ARID1B: variants seen among roughly 807,000 people sequenced by gnomAD.
The protein encoded by ARID1B is AT-rich interaction domain 1B.
ARID1B carries 30 observed loss-of-function variants against 212.3 expected under a neutral mutation model. The observed-to-expected ratio is 0.14, with a 90% CI of 0.11 to 0.19. The LOEUF is 0.19. Among genes scored for constraint, ARID1B ranks in the 10% least tolerant of loss-of-function variants. The pLI is 1.00. For synonymous variants in ARID1B, 1,402 were observed against 1,301.7 expected, an observed-to-expected ratio of 1.08 and a Z score of -1.66; for missense variants, 2,891 against 3,204.0, an observed-to-expected ratio of 0.90 and a Z score of 2.36.
intron 7 of ARID1B, among the ~76,000 whole-genome samples, chr6:157,142,112 C>T (rs536851866): frequency 2.0e-5 from 3 of 152,188 alleles, no homozygotes; most frequent in South Asian, 2.1e-4. Context: ...AAGCCAGCCA[C>T]GAAAGCCTAT....
At chr6:157,134,703 G>A (rs550788890) in intron 7 of ARID1B, among the ~76,000 whole-genome samples, 1 of 152,206 alleles carries the variant, frequency 6.6e-6, no homozygotes, top group Non-Finnish European at 1.5e-5. Context: ...CTTACTGAAC[G>A]TGGTGGGTGT....
chr6:157,170,448 G>A (rs1791642242), intron 9 of ARID1B, among the ~76,000 whole-genome samples: 1 of 152,142 alleles, frequency 6.6e-6, no homozygotes, highest in Admixed American at 6.5e-5. Context: ...TTGCTGGGGT[G>A]CTCACTTTCA....
chr6:156,937,628 T>C (rs538563690), intron 4 of ARID1B: 1 of 152,350 alleles, frequency 6.6e-6, no homozygotes, highest in East Asian at 1.9e-4. Flanking sequence ...CATGAAGTAT[T>C]GTAGTTTCAG....
chr6:156,783,347 A>G (rs1428235906), intron 1 of ARID1B, among the ~76,000 whole-genome samples: 2 of 151,902 alleles, frequency 1.3e-5, no homozygotes, highest in African/African-American at 2.4e-5. Context: ...AAAAAAAAAC[A>G]TTAATTCTGA....
intron 9 of ARID1B, chr6:157,167,404 T>C (rs867109780): frequency 2.5e-4 from 113 of 446,874 alleles, no homozygotes; most frequent in South Asian, 7.1e-4. Flanking sequence ...TCTGTGTTTG[T>C]ATAACAAGTG....
chr6:156,888,080 G>A (rs1787658782), intron 2 of ARID1B, among the ~76,000 whole-genome samples: 2 of 152,190 alleles, frequency 1.3e-5, no homozygotes, highest in South Asian at 4.1e-4. Context: ...TCCCAGTCAT[G>A]CGGTTACAAA....
chr6:157,046,736 A>G (rs1369062338), intron 4 of ARID1B, among the ~76,000 whole-genome samples: 2 of 152,268 alleles, frequency 1.3e-5, no homozygotes, highest in Non-Finnish European at 2.9e-5. Flanking sequence ...AAAATTTTTA[A>G]AAGAAAGGTA....
In ARID1B at chr6:157,206,923, G is replaced by A. The variant is rs749387520; in HGVS notation, c.6151G>A (p.Glu2051Lys). Residue 2051 changes from glutamate (E) to lysine (K), a missense_variant, in exon 20 of 20, where the codon GAG becomes AAG. Transcript: ENST00000636930. This position sits in a 1 kb window ranked among gnomAD's most constrained non-coding sequence, Gnocchi z 6.8. ...GGAGGACGAGCCCAGGAGCCGAGAC[G>A]AGACTCCTCTGTGTACCATCGCGCA... The part of the protein sequence containing the change: ...LLEDEPRSRD[E>K]TPLCTIAHWQ... 2.5e-6 allele frequency: 4 copies of A among 1,614,196 alleles called. No individual in the cohort carries two copies. Among genetic ancestry groups the A allele is most frequent in the Middle Eastern group, 1.6e-4 (1 of 6,062 alleles).
chr6:157,088,387 C>T (rs979256750), intron 5 of ARID1B, among the ~76,000 whole-genome samples: 9 of 152,222 alleles, frequency 5.9e-5, no homozygotes, highest in African/African-American at 1.4e-4. Context: ...GTTCATCCAA[C>T]ATTTTATATG....
intron 1 of ARID1B, among the ~76,000 whole-genome samples, chr6:156,793,533 A>G (rs964658669): frequency 6.6e-6 from 1 of 152,122 alleles, no homozygotes; most frequent in African/African-American, 2.4e-5. Flanking sequence ...ATGGGGTCTC[A>G]CTGTGTTGCC....
intron 4 of ARID1B, among the ~76,000 whole-genome samples, chr6:156,946,418 A>G (rs1242878500): frequency 2.0e-5 from 3 of 152,048 alleles, no homozygotes; most frequent in Non-Finnish European, 4.4e-5. Flanking sequence ...TATGCCCATT[A>G]GTGAGTGTCC....
intron 4 of ARID1B, among the ~76,000 whole-genome samples, chr6:156,973,266 T>A (rs1187548168): frequency 6.6e-6 from 1 of 152,216 alleles, no homozygotes; most frequent in Non-Finnish European, 1.5e-5. Context: ...CAGCACAGAT[T>A]ATAGAACCTT....
chr6:157,202,813 G>C (rs536009274), intron 18 of ARID1B, among the ~76,000 whole-genome samples: 1 of 151,050 alleles, frequency 6.6e-6, no homozygotes, highest in East Asian at 1.9e-4. Flanking sequence ...GTTGCAGAGG[G>C]AGAGAAGGAG....
intron 4 of ARID1B, among the ~76,000 whole-genome samples, chr6:156,949,327 C>T (rs1793404602): frequency 6.6e-6 from 1 of 152,164 alleles, no homozygotes; most frequent in Non-Finnish European, 1.5e-5. Context: ...GAACATTTCA[C>T]ACCTAATTGA....
Position 157,140,634 on chromosome 6 carries a change from G to T in ARID1B, c.2761+7427G>T, listed in dbSNP as rs143573546. 3.4e-4 allele frequency: 136 copies of T among 398,594 alleles called. 1 individual carries two copies. The East Asian group carries it at 4.7e-3, about 14-fold the overall frequency. 24.7% of individuals were successfully genotyped at this position (398,594 alleles called of 1,614,324 possible). A position where few individuals can be genotyped will look rare whatever the true frequency, so the allele number is the denominator to read the frequency against. On this transcript the variant is annotated intron_variant, in intron 7 of 19. Coordinates refer to ENST00000636930, the MANE Select transcript of ARID1B (RefSeq NM_001374828.1). ...ATAGAGGAAGAAACTGAGCTTTGGA[G>T]TAACACGTAGCTTTCCAGAGGTCAC...
intron 13 of ARID1B, 99 bp downstream of exon 13, chr6:157,184,534 T>G (rs1792827089): frequency 7.1e-7 from 1 of 1,407,352 alleles, no homozygotes; most frequent in African/African-American, 1.4e-5. Context: ...ACAGGGAACT[T>G]GGGACTTTTG....
At position 156,778,134 on chromosome 6, in the gene ARID1B, C is replaced by G; in HGVS notation, c.454C>G (p.Leu152Val). 2 of 1,541,024 alleles carry G rather than the reference C, an allele frequency of 1.3e-6. No homozygotes were observed. Among genetic ancestry groups the G allele is most frequent in the East Asian group, 2.5e-5 (1 of 40,730 alleles). ...METGLLPNHK[L>V]KTVGEAPAAP... ...GACGGGGCTGCTCCCCAACCACAAACTGAAAACCGTTGGCGAAGCCCCCGC... is the reference window on the plus strand; with the variant it reads ...GACGGGGCTGCTCCCCAACCACAAAGTGAAAACCGTTGGCGAAGCCCCCGC... Residue 152 changes from leucine to valine, a missense_variant, in exon 1 of 20, where the codon CTG becomes GTG. Leu to Val is a conservative substitution (Grantham distance 32). Coordinates refer to ENST00000636930, the MANE Select transcript of ARID1B (RefSeq NM_001374828.1).
intron 9 of ARID1B, chr6:157,173,428 C>T (rs1209917632): frequency 6.6e-6 from 1 of 152,284 alleles, no homozygotes; most frequent in East Asian, 1.9e-4. Context: ...AATCAGAAAT[C>T]CTTTCCTTCC....
At chr6:157,162,764 G>A (rs1220603093) in intron 8 of ARID1B, among the ~76,000 whole-genome samples, 1 of 152,234 alleles carries the variant, frequency 6.6e-6, no homozygotes, top group Non-Finnish European at 1.5e-5. Flanking sequence ...GGCGAGCGCA[G>A]TGTCGGCATC....
Sources: gnomAD v4.1 joint callset for allele counts (sites outside exome capture counted in the v4.1 genomes callset) on GRCh38, gnomAD v4.1.1 for gene constraint, Gnocchi (gnomAD v3.1) non-coding constraint, MANE v1.5 for transcripts, NCBI Gene and HGNC (gene_info 2026-07-23, HGNC 2026-07-21) for gene names.